Variants in GNAT3 observed in about 807,000 individuals in gnomAD.
GNAT3 encodes G protein subunit alpha transducin 3.
In GNAT3, 31 loss-of-function variants were observed where a neutral mutation model predicts 37.7. The ratio of observed to expected loss-of-function variants is 0.82; its 90% confidence interval spans 0.62 to 1.11. GNAT3 has a LOEUF of 1.11. GNAT3 is among the 50% of genes most tolerant of loss of function. The probability of loss-of-function intolerance (pLI) is 0.00; values close to 1 mark genes in which losing one functional copy is unlikely to be tolerated. For synonymous variants in GNAT3, 138 were observed against 139.8 expected (o/e 0.99, Z 0.09); for missense variants, 437 against 412.5 (o/e 1.06, Z -0.51).
chr7:80,511,063 A>G (rs1791056362), intron 1 of GNAT3, among the ~76,000 whole-genome samples: 1 of 152,096 alleles, frequency 6.6e-6, no homozygotes, highest in Non-Finnish European at 1.5e-5. Flanking sequence ...TGCATGTAAA[A>G]TGTTTTATGC....
chr7:80,464,557 C>A (rs1157943927), intron 5 of GNAT3, among the ~76,000 whole-genome samples: 1 of 151,984 alleles, frequency 6.6e-6, no homozygotes, highest in Non-Finnish European at 1.5e-5. Context: ...TGTGTTAGAT[C>A]ACTTTGATCT....
intron 2 of GNAT3, among the ~76,000 whole-genome samples, chr7:80,493,074 T>G (rs953541586): frequency 1.3e-5 from 2 of 152,084 alleles, no homozygotes; most frequent in African/African-American, 4.8e-5. Flanking sequence ...TTATAAATTT[T>G]TTCTTGTTCT....
chr7:80,462,716 G>A, intron 5 of GNAT3, 85 bp from the exon 6 acceptor site: 1 of 978,072 alleles, frequency 1.0e-6, no homozygotes, highest in Non-Finnish European at 1.5e-6. Context: ...GGTATAAATG[G>A]GTGATCCCCT....
chr7:80,469,428 G>A (rs544821603), intron 5 of GNAT3, among the ~76,000 whole-genome samples: 1 of 152,146 alleles, frequency 6.6e-6, no homozygotes, highest in South Asian at 2.1e-4. Flanking sequence ...AACAATAGGA[G>A]GGCTCACATT....
At chr7:80,503,851 C>A (rs932088072) in intron 1 of GNAT3, among the ~76,000 whole-genome samples, 1 of 152,126 alleles carries the variant, frequency 6.6e-6, no homozygotes, top group Non-Finnish European at 1.5e-5. Flanking sequence ...CAGTTAAGTT[C>A]TGTTATGAGG....
chr7:80,484,900 C>T (rs1296005771), intron 3 of GNAT3, among the ~76,000 whole-genome samples: 2 of 152,032 alleles, frequency 1.3e-5, no homozygotes, highest in African/African-American at 4.8e-5. Context: ...ATAGCCTATT[C>T]TCATTTCTCC....
chr7:80,497,474 G>A (rs772496617), intron 1 of GNAT3, among the ~76,000 whole-genome samples: 27 of 151,350 alleles, frequency 1.8e-4, no homozygotes, highest in Non-Finnish European at 3.4e-4. Context: ...CTGAATATTC[G>A]AAATTCTAGC....
chr7:80,497,607 C>CACT (rs1790750553), intron 1 of GNAT3, among the ~76,000 whole-genome samples: 7 of 115,356 alleles, frequency 6.1e-5, no homozygotes, highest in African/African-American at 1.7e-4. Flanking sequence ...TATACATATA[C>CACT]GTATATACAT....
At chr7:80,481,214 T>G (rs1790386476) in intron 3 of GNAT3, among the ~76,000 whole-genome samples, 1 of 152,128 alleles carries the variant, frequency 6.6e-6, no homozygotes, top group Non-Finnish European at 1.5e-5. Context: ...AGTAAACTGA[T>G]CAGATGGTCA....
At chr7:80,477,705 T>A (rs1167621793) in intron 4 of GNAT3, among the ~76,000 whole-genome samples, 1 of 152,204 alleles carries the variant, frequency 6.6e-6, no homozygotes, top group African/African-American at 2.4e-5. Flanking sequence ...TTTACATTAC[T>A]GTTTTGCTTT....
chr7:80,506,904 C>A (rs1790956169), intron 1 of GNAT3, among the ~76,000 whole-genome samples: 1 of 151,872 alleles, frequency 6.6e-6, no homozygotes, highest in Non-Finnish European at 1.5e-5. Flanking sequence ...CAACAGTTTT[C>A]AAGAATGCAA....
intron 5 of GNAT3, among the ~76,000 whole-genome samples, chr7:80,472,215 A>G (rs575796554): frequency 9.5e-4 from 144 of 152,226 alleles, no homozygotes; most frequent in Non-Finnish European, 6.2e-4. Flanking sequence ...AGAGCTGTTT[A>G]TTTGCATTTC....
intron 1 of GNAT3, among the ~76,000 whole-genome samples, chr7:80,505,391 A>G (rs1251153611): frequency 1.3e-5 from 2 of 151,964 alleles, no homozygotes; most frequent in Non-Finnish European, 2.9e-5. Flanking sequence ...TTTTTGAGAC[A>G]GAGTCTCACT....
chr7:80,503,259 C>T (rs1014571203), intron 1 of GNAT3, among the ~76,000 whole-genome samples: 1 of 152,152 alleles, frequency 6.6e-6, no homozygotes, highest in African/African-American at 2.4e-5. Flanking sequence ...CTGATTCTGT[C>T]ATTCTTCCAT....
At chr7:80,491,379 T>C (rs1790588173) in intron 2 of GNAT3, among the ~76,000 whole-genome samples, 1 of 152,180 alleles carries the variant, frequency 6.6e-6, no homozygotes. Context: ...TCTGCCTCTC[T>C]AGTTTAGACA....
At chr7:80,490,940 G>A (rs1790579729) in intron 2 of GNAT3, among the ~76,000 whole-genome samples, 1 of 152,118 alleles carries the variant, frequency 6.6e-6, no homozygotes, top group South Asian at 2.1e-4. Context: ...TTACAGGACA[G>A]GAGGATGAAG....
At chr7:80,498,605 A>G (rs1258930351) in intron 1 of GNAT3, among the ~76,000 whole-genome samples, 2 of 152,140 alleles carry the variant, frequency 1.3e-5, no homozygotes, top group Admixed American at 1.3e-4. Context: ...TCTAGGTCAT[A>G]GTTCACAATA....
At chr7:80,468,375 T>A in intron 5 of GNAT3, among the ~76,000 whole-genome samples, 1 of 152,122 alleles carries the variant, frequency 6.6e-6, no homozygotes, top group East Asian at 1.9e-4. Context: ...CTACTGCAGG[T>A]AATTTATTTG....
At chr7:80,509,468 T>C (rs1791014336) in intron 1 of GNAT3, among the ~76,000 whole-genome samples, 1 of 152,152 alleles carries the variant, frequency 6.6e-6, no homozygotes, top group Non-Finnish European at 1.5e-5. Context: ...TGAAATTGTA[T>C]GTATAAAATT....
Sources: allele counts gnomAD v4.1 joint callset (sites outside exome capture counted in the v4.1 genomes callset), GRCh38; gene constraint gnomAD v4.1.1; transcripts MANE v1.5; gene names NCBI Gene and HGNC (gene_info 2026-07-23, HGNC 2026-07-21).